MYL3: variants seen among roughly 807,000 people sequenced by gnomAD.
The protein encoded by MYL3 is myosin light chain 3, also known as CMLC1.
Under a neutral mutation model 21.3 loss-of-function variants are expected in MYL3, and 11 were observed. The observed-to-expected ratio is 0.52, with a 90% CI of 0.32 to 0.85. MYL3 has a LOEUF of 0.85. MYL3 is among the 40% of genes least tolerant of loss of function. The probability of loss-of-function intolerance (pLI) is 0.03; values close to 1 mark genes in which losing one functional copy is unlikely to be tolerated. For missense variants in MYL3, 206 were observed against 253.3 expected (o/e 0.81, Z 1.27); for synonymous variants, 88 against 91.6 (o/e 0.96, Z 0.22).
intron 1 of MYL3, among the ~76,000 whole-genome samples, chr3:46,878,509 G>A (rs1343216631): frequency 6.6e-6 from 1 of 152,200 alleles, no homozygotes; most frequent in African/African-American, 2.4e-5. Flanking sequence ...GCTAAGCTTG[G>A]ATGCAGCCTG....
rs764722974 is a variant in MYL3, at chr3:46,859,694, G to A, written c.308-46C>T. 2.5e-6 allele frequency: 4 copies of A among 1,606,156 alleles called. No homozygotes were observed. In the Admixed American group the frequency reaches 6.7e-5, roughly 27 times the overall value. On this transcript the variant is annotated intron_variant, in intron 3 of 6. Coordinates refer to ENST00000292327, the MANE Select transcript of MYL3 (RefSeq NM_000258.3). The surrounding 1 kb of genome is among the most constrained non-coding windows in gnomAD (Gnocchi z 4.1). Reference sequence around the variant, plus strand: ...GTTCCAGGGTCTAAGGCTGGGGTGGGCACACCCCTCCCCCATGCCTGATAA... The same window carrying A: ...GTTCCAGGGTCTAAGGCTGGGGTGGACACACCCCTCCCCCATGCCTGATAA...
At chr3:46,876,685 T>C (rs980352232) in intron 1 of MYL3, among the ~76,000 whole-genome samples, 1 of 152,182 alleles carries the variant, frequency 6.6e-6, no homozygotes, top group African/African-American at 2.4e-5. Flanking sequence ...GCCCTAGGAA[T>C]GTGCCCAATG....
chr3:46,866,794 G>A (rs1181899018), upstream of MYL3, among the ~76,000 whole-genome samples: 1 of 152,122 alleles, frequency 6.6e-6, no homozygotes, highest in African/African-American at 2.4e-5. Flanking sequence ...ACAGTAGTGC[G>A]GCCAGCAGCT....
At chr3:46,863,941 G>A (rs1451292334), upstream of MYL3, among the ~76,000 whole-genome samples, 4 of 152,050 alleles carry the variant, frequency 2.6e-5, no homozygotes. Context: ...GTCAGCATGT[G>A]TCTGTGTGTG....
chr3:46,870,170 T>C (rs1002810310), intron 1 of MYL3, among the ~76,000 whole-genome samples: 2 of 151,992 alleles, frequency 1.3e-5, no homozygotes, highest in Non-Finnish European at 2.9e-5. Flanking sequence ...CACACCATCA[T>C]GCCACCCCTC....
upstream of MYL3, among the ~76,000 whole-genome samples, chr3:46,867,665 C>T (rs1386695768): frequency 5.3e-5 from 8 of 152,238 alleles, no homozygotes; most frequent in Non-Finnish European, 1.0e-4. Context: ...CCTGGCCTGC[C>T]GGTCCCGCCC....
At position 46,859,107 on chromosome 3, in the gene MYL3, A is replaced by C. The variant is rs1701962922; in HGVS notation, c.481+368T>G. On this transcript the variant is annotated intron_variant, in intron 4 of 6. Transcript: ENST00000292327. The surrounding 1 kb of genome is among the most constrained non-coding windows in gnomAD (Gnocchi z 4.1). Reference sequence around the variant, plus strand: ...AGGTACACAGGGCTCCACAGAGGTCAGGATCCCCCCAGGCGGCAGGCACTT... The same window carrying C: ...AGGTACACAGGGCTCCACAGAGGTCCGGATCCCCCCAGGCGGCAGGCACTT... Among the ~76,000 whole-genome samples the C allele has an allele frequency of 6.6e-6, 1 of 152,182 alleles. No homozygotes were observed. The highest frequency in any genetic ancestry group is 2.4e-5 in the African/African-American group (1 of 41,440).
At chr3:46,878,314 T>C (rs569602111) in intron 1 of MYL3, among the ~76,000 whole-genome samples, 67 of 152,296 alleles carry the variant, frequency 4.4e-4, no homozygotes, top group African/African-American at 1.5e-3. Flanking sequence ...TCCCCTCCCC[T>C]ACTGGGCTCT....
rs577664461 is a variant in MYL3, at chr3:46,874,091, G to A, written c.-217-7491C>T. On this transcript the variant is annotated intron_variant, in intron 1 of 3. Coordinates refer to the MYL3 transcript ENST00000431168. The surrounding 1 kb of genome is among the most constrained non-coding windows in gnomAD (Gnocchi z 4.1). ...GCCTGGAGACTTGCTCTGGATGAGC[G>A]GGGTGACCTCTGGCATGCCATTGCC... 1.4e-4 allele frequency among the ~76,000 whole-genome samples: 21 copies of A among 152,318 alleles called. No homozygotes were observed. Among genetic ancestry groups the A allele is most frequent in the African/African-American group, 4.3e-4 (18 of 41,560 alleles).
chr3:46,870,125 T>C (rs963352728), intron 1 of MYL3, among the ~76,000 whole-genome samples: 5 of 151,902 alleles, frequency 3.3e-5, no homozygotes, highest in Non-Finnish European at 5.9e-5. Context: ...CAGGAAAGGA[T>C]GTACCTTCCT....
rs566498483 is a variant in MYL3 at position 46,880,895 on chromosome 3, C to A, written c.-218+1179G>T. On this transcript the variant is annotated intron_variant, in intron 1 of 3. Coordinates refer to the MYL3 transcript ENST00000431168. ...TTAGGACTTGGGCTTGACAGATTTGCACTGAGGGTTGGAGGGCAGGTTTGC... is the reference window on the plus strand; with the variant it reads ...TTAGGACTTGGGCTTGACAGATTTGAACTGAGGGTTGGAGGGCAGGTTTGC... Among the ~76,000 whole-genome samples the A allele has an allele frequency of 4.6e-5, 7 of 152,286 alleles. No individual in the cohort carries two copies. In the South Asian group the frequency reaches 1.5e-3, roughly 32 times the overall value.
chr3:46,877,671 ATTTTC>A (rs2030307537), intron 1 of MYL3: 1 of 152,010 alleles, frequency 6.6e-6, no homozygotes, highest in African/African-American at 2.4e-5. Flanking sequence ...AAAATAATTA[ATTTTC>A]TTTTCAAGTG....
chr3:46,869,227 T>G (rs919148741), intron 1 of MYL3, among the ~76,000 whole-genome samples: 1 of 152,032 alleles, frequency 6.6e-6, no homozygotes, highest in Non-Finnish European at 1.5e-5. Context: ...GAGCAAATAT[T>G]TATTGTCCTT....
At position 46,860,953 on chromosome 3, in the gene MYL3, TG is replaced by T. The variant is rs1482795996; in HGVS notation, c.157+6del. On this transcript the variant is annotated splice_donor_region_variant and intron_variant, in intron 2 of 6. Coordinates refer to ENST00000292327, the MANE Select transcript of MYL3 (RefSeq NM_000258.3). The surrounding 1 kb of genome is among the most constrained non-coding windows in gnomAD (Gnocchi z 4.6). ...CTGCAACCCCTGGGTTCAAGACCCCTGCTCACCTTCAATCTGCTCAGGTGTG... is the reference window on the plus strand; with the variant it reads ...CTGCAACCCCTGGGTTCAAGACCCCTCTCACCTTCAATCTGCTCAGGTGTG... 3 of 1,614,028 alleles carry T rather than the reference TG, an allele frequency of 1.9e-6. No individual in the cohort carries two copies. Among genetic ancestry groups the T allele is most frequent in the Non-Finnish European group, 2.5e-6 (3 of 1,179,986 alleles).
chr3:46,873,867 A>C (rs2030042661), intron 1 of MYL3, among the ~76,000 whole-genome samples: 1 of 152,170 alleles, frequency 6.6e-6, no homozygotes, highest in African/African-American at 2.4e-5. Flanking sequence ...TGGGTGTGTG[A>C]CTTTGGGCAG....
In MYL3 at chr3:46,860,930, G is replaced by A; in HGVS notation, c.157+30C>T. ...GACCAGGGAACCCCAGCCCAATCCTGCAACCCCTGGGTTCAAGACCCCTGC... is the reference window on the plus strand; with the variant it reads ...GACCAGGGAACCCCAGCCCAATCCTACAACCCCTGGGTTCAAGACCCCTGC... On this transcript the variant is annotated intron_variant, in intron 2 of 6. Transcript: ENST00000292327. The surrounding 1 kb of genome is among the most constrained non-coding windows in gnomAD (Gnocchi z 4.6). 6.2e-7 allele frequency: 1 copy of A among 1,614,038 alleles called. No individual in the cohort carries two copies. Among genetic ancestry groups the A allele is most frequent in the Non-Finnish European group, 8.5e-7 (1 of 1,179,978 alleles).
rs571250417 is a variant in MYL3 at position 46,861,781 on chromosome 3, C to T, written c.130-794G>A. 5.8e-4 allele frequency among the ~76,000 whole-genome samples: 89 copies of T among 152,252 alleles called. No individual in the cohort carries two copies. The highest frequency in any genetic ancestry group is 1.2e-3 in the Admixed American group (18 of 15,300). On this transcript the variant is annotated intron_variant, in intron 1 of 6. Coordinates refer to ENST00000292327, the MANE Select transcript of MYL3 (RefSeq NM_000258.3). This position sits in a 1 kb window ranked among gnomAD's most constrained non-coding sequence, Gnocchi z 4.2. ...GTCTATTTTTATCACTGCAGTCACT[C>T]GCCCCAAGGTCAAGGTCACACAAGG...
At chr3:46,877,403 G>A (rs2030286925) in intron 1 of MYL3, among the ~76,000 whole-genome samples, 1 of 152,194 alleles carries the variant, frequency 6.6e-6, no homozygotes, top group Non-Finnish European at 1.5e-5. Flanking sequence ...CCTGAGATGT[G>A]GAAAGGACCA....
At position 46,860,584 on chromosome 3, in the gene MYL3, G is replaced by C; in HGVS notation, c.307+92C>G. ...CGGGACAATGCGAGATGTCAGGAAAGATTCTCGTGCTATCCCGCAGGATGG... is the reference window on the plus strand; with the variant it reads ...CGGGACAATGCGAGATGTCAGGAAACATTCTCGTGCTATCCCGCAGGATGG... On this transcript the variant is annotated intron_variant, in intron 3 of 6. Coordinates refer to ENST00000292327, the MANE Select transcript of MYL3 (RefSeq NM_000258.3). The surrounding 1 kb of genome is among the most constrained non-coding windows in gnomAD (Gnocchi z 4.6). 2 of 1,555,164 alleles carry C rather than the reference G, an allele frequency of 1.3e-6. No homozygotes were observed. The highest frequency in any genetic ancestry group is 1.7e-6 in the Non-Finnish European group (2 of 1,147,470).
Sources: allele counts gnomAD v4.1 joint callset (sites outside exome capture counted in the v4.1 genomes callset), GRCh38; gene constraint gnomAD v4.1.1; non-coding constraint Gnocchi (gnomAD v3.1); transcripts MANE v1.5; gene names NCBI Gene and HGNC (gene_info 2026-07-23, HGNC 2026-07-21).